Variants in MERTK observed in about 807,000 individuals in gnomAD.
The protein encoded by MERTK is MER proto-oncogene, tyrosine kinase, also known as tyrosine-protein kinase Mer.
In MERTK, 69 loss-of-function variants were observed where a neutral mutation model predicts 99.3. That is an observed-to-expected ratio of 0.70 (90% CI 0.57 to 0.85). The LOEUF (loss-of-function observed/expected upper bound fraction) is 0.85. MERTK is among the 40% of genes least tolerant of loss of function. MERTK has a pLI of 0.00. For missense variants in MERTK, 1,125 were observed against 1,249.4 expected (o/e 0.90, Z 1.50); for synonymous variants, 426 against 467.6 (o/e 0.91, Z 1.15).
chr2:111,969,004 C>T (rs865796390), intron 6 of MERTK, among the ~76,000 whole-genome samples: 1 of 152,154 alleles, frequency 6.6e-6, no homozygotes, highest in African/African-American at 2.4e-5. Context: ...CCAGTGTCAC[C>T]GGGGGATCCT....
chr2:111,997,780 G>A (rs570194170), intron 10 of MERTK, among the ~76,000 whole-genome samples: 23 of 152,204 alleles, frequency 1.5e-4, no homozygotes, highest in Non-Finnish European at 2.6e-4. Context: ...GGCCGAGTGC[G>A]GTGGCTCACA....
At chr2:111,903,058 C>T (rs11123029) in intron 1 of MERTK, among the ~76,000 whole-genome samples, 4,938 of 152,274 alleles carry the variant, frequency 0.032, 257 homozygotes, top group African/African-American at 0.11. Context: ...AGATTACAGG[C>T]GTGAGCTATG....
At chr2:111,991,942 T>G (rs1011061410) in intron 8 of MERTK, among the ~76,000 whole-genome samples, 3 of 152,192 alleles carry the variant, frequency 2.0e-5, no homozygotes, top group Admixed American at 1.3e-4. Flanking sequence ...TTCGCTATAA[T>G]GTTTGGGCAC....
chr2:111,950,411 G>C (rs1461144054), intron 4 of MERTK, among the ~76,000 whole-genome samples: 1 of 152,136 alleles, frequency 6.6e-6, no homozygotes, highest in Non-Finnish European at 1.5e-5. Context: ...ATTTTGTCTT[G>C]GATAAATGCC....
intron 15 of MERTK, among the ~76,000 whole-genome samples, chr2:112,014,352 A>T (rs972433162): frequency 1.3e-5 from 2 of 151,094 alleles, no homozygotes; most frequent in African/African-American, 4.9e-5. Flanking sequence ...TTTAGTAGAG[A>T]CAGGGTTTCT....
chr2:112,022,388 A>G lies in MERTK; in HGVS notation c.2480A>G (p.Asp827Gly), dbSNP rs770833866. 5 of 1,614,224 alleles carry G rather than the reference A, an allele frequency of 3.1e-6. No homozygotes were observed. Among genetic ancestry groups the G allele is most frequent in the Non-Finnish European group, 3.4e-6 (4 of 1,180,046 alleles). Residue 827 changes from aspartate (D) to glycine (G), a missense_variant, in exon 18 of 19, where the codon GAT (aspartate) becomes GGT (glycine). By Grantham distance (94) the Asp-to-Gly change is moderately conservative. Transcript: ENST00000295408. ...HRLKQPEDCL[D>G]ELYEIMYSCW... ...TTGAAGCAGCCCGAAGACTGCCTGG[A>G]TGAACTGTGAGTGGGCTTCTCTGTC...
intron 18 of MERTK, chr2:112,022,680 T>C: frequency 1.6e-6 from 1 of 641,186 alleles, no homozygotes; most frequent in Non-Finnish European, 2.9e-6. Context: ...GTCCTAAAAT[T>C]CCTTACACAC....
chr2:111,969,689 CTT>C (rs35055243), intron 6 of MERTK, among the ~76,000 whole-genome samples: 91 of 119,148 alleles, frequency 7.6e-4, no homozygotes, highest in Admixed American at 1.9e-3. Flanking sequence ...TCCAGCCTTT[CTT>C]TTTTTTTTTT....
At chr2:112,018,958 C>G (rs868863454) in intron 15 of MERTK, among the ~76,000 whole-genome samples, 1 of 152,036 alleles carries the variant, frequency 6.6e-6, no homozygotes, top group Non-Finnish European at 1.5e-5. Context: ...ATAGGGGTGC[C>G]TAATTGGAAA....
chr2:111,954,382 G>A (rs1191232171), intron 4 of MERTK, among the ~76,000 whole-genome samples: 1 of 152,150 alleles, frequency 6.6e-6, no homozygotes, highest in Non-Finnish European at 1.5e-5. Context: ...TATTCACAAG[G>A]CCTCTTCCCC....
intron 6 of MERTK, among the ~76,000 whole-genome samples, chr2:111,972,177 C>T (rs1219404317): frequency 6.6e-6 from 1 of 152,200 alleles, no homozygotes; most frequent in African/African-American, 2.4e-5. Context: ...ACTACAGGCA[C>T]CTGCCACTGC....
chr2:111,921,100 C>T lies in MERTK; in HGVS notation c.62-8020C>T, dbSNP rs115470681. Among the ~76,000 whole-genome samples the T allele has an allele frequency of 1.9e-3, 294 of 152,258 alleles. 1 individual carries two copies. The highest frequency in any genetic ancestry group is 6.4e-3 in the African/African-American group (264 of 41,536). On this transcript the variant is annotated intron_variant, in intron 1 of 18. Transcript: ENST00000295408. ...GTCCTTAACCTGGGTGACAGGGCAG[C>T]TGCTCAGGACATGATTCAAATATCA...
intron 1 of MERTK, among the ~76,000 whole-genome samples, chr2:111,920,336 T>A (rs1573570952): frequency 6.6e-6 from 1 of 152,118 alleles, no homozygotes. Context: ...TTACTTCCTT[T>A]CCTTCCTGCA....
intron 18 of MERTK, 158 bp from the exon 19 acceptor site, chr2:112,028,193 A>G (rs6738237): frequency 0.23 from 184,024 of 783,654 alleles, 24,496 homozygotes; most frequent in South Asian, 0.32. Context: ...CAAAAGTTGT[A>G]TAAATATTAG....
At chr2:111,941,154 C>T (rs1316637454) in intron 2 of MERTK, 3 of 342,068 alleles carry the variant, frequency 8.8e-6, no homozygotes, top group African/African-American at 2.1e-5. Flanking sequence ...CTACCTTCAC[C>T]TTGAGGTAGT....
At chr2:111,966,211 A>T (rs1255950271) in intron 5 of MERTK, among the ~76,000 whole-genome samples, 1 of 152,200 alleles carries the variant, frequency 6.6e-6, no homozygotes, top group East Asian at 1.9e-4. Context: ...AAAAAGGAGA[A>T]CTTGTTTAAT....
chr2:111,949,059 C>T (rs891332089), intron 4 of MERTK, among the ~76,000 whole-genome samples: 1 of 151,926 alleles, frequency 6.6e-6, no homozygotes, highest in African/African-American at 2.4e-5. Context: ...TGCACTGTCT[C>T]TTCTATCTGC....
chr2:111,927,854 G>A (rs546804865), intron 1 of MERTK, among the ~76,000 whole-genome samples: 1 of 152,230 alleles, frequency 6.6e-6, no homozygotes, highest in African/African-American at 2.4e-5. Flanking sequence ...AGCAAGGATG[G>A]AGCCCCCACT....
chr2:111,974,791 AAG>A (rs1491355317), intron 6 of MERTK, among the ~76,000 whole-genome samples: 1,690 of 139,254 alleles, frequency 0.012, 12 homozygotes, highest in Non-Finnish European at 0.021. Flanking sequence ...AAAAAAAAAA[AAG>A]AAAGAAAAGA....
Sources: gnomAD v4.1 joint callset for allele counts (sites outside exome capture counted in the v4.1 genomes callset) on GRCh38, gnomAD v4.1.1 for gene constraint, MANE v1.5 for transcripts, NCBI Gene and HGNC (gene_info 2026-07-23, HGNC 2026-07-21) for gene names.